The following ERBB2 variants were observed in gnomAD, a reference collection of about 807,000 sequenced individuals.
ERBB2 encodes erb-b2 receptor tyrosine kinase 2, also known as receptor tyrosine-protein kinase erbB-2.
A neutral mutation model predicts 149.0 loss-of-function variants in ERBB2; 61 were observed. That is an observed-to-expected ratio of 0.41 (90% CI 0.33 to 0.51). ERBB2 has a LOEUF of 0.51. Among genes scored for constraint, ERBB2 ranks in the 20% least tolerant of loss-of-function variants. ERBB2 has a pLI of 0.25. For synonymous variants in ERBB2, 633 were observed against 678.8 expected (o/e 0.93, Z 1.05); for missense variants, 1,205 against 1,655.1 (o/e 0.73, Z 4.72).
At chr17:39,698,794 G>C (rs544356297), upstream of ERBB2, among the ~76,000 whole-genome samples, 1 of 152,242 alleles carries the variant, frequency 6.6e-6, no homozygotes, top group East Asian at 1.9e-4. Context: ...AGGTGCCTTT[G>C]ATCCCTTCTT....
intron 4 of ERBB2, 116 bp downstream of exon 4, chr17:39,709,568 T>C: frequency 8.1e-7 from 1 of 1,238,302 alleles, no homozygotes; most frequent in Non-Finnish European, 1.1e-6. Context: ...ACACCACCCA[T>C]TTCCTCCCTC....
chr17:39,691,920 TAC>T (rs1267235315), upstream of ERBB2, among the ~76,000 whole-genome samples: 5 of 104,602 alleles, frequency 4.8e-5, no homozygotes, highest in South Asian at 3.8e-4. Flanking sequence ...CATATACATA[TAC>T]ATATACATAT....
chr17:39,718,668 C>G (rs1430984274), intron 15 of ERBB2, among the ~76,000 whole-genome samples: 6 of 151,808 alleles, frequency 4.0e-5, no homozygotes, highest in African/African-American at 1.2e-4. Flanking sequence ...TGTGGTGATG[C>G]TGTTCTGCAC....
chr17:39,701,553 G>C (rs2058107887), intron 1 of ERBB2, among the ~76,000 whole-genome samples: 1 of 152,190 alleles, frequency 6.6e-6, no homozygotes, highest in African/African-American at 2.4e-5. Flanking sequence ...TGGGGAGGGA[G>C]TGGGTGTCAT....
intron 8 of ERBB2, 108 bp from the exon 9 acceptor site, chr17:39,712,214 C>T (rs760208805): frequency 2.0e-6 from 3 of 1,533,502 alleles, no homozygotes; most frequent in Admixed American, 3.5e-5. Flanking sequence ...TCCCTATATC[C>T]CCTGTCAGTG....
rs939502258 is a variant in ERBB2 at position 39,712,737 on chromosome 17, G to A, written c.1148+289G>A. Among the ~76,000 whole-genome samples, 3 of 152,172 alleles carry A rather than the reference G, an allele frequency of 2.0e-5. No individual in the cohort carries two copies. The East Asian group carries it at 5.8e-4, about 29-fold the overall frequency. ...CTTTATTCAAAATATCCCCAAATTG[G>A]AAATAACTCAAATGTGCATCACTAG... On this transcript the variant is annotated intron_variant, in intron 9 of 26. Transcript: ENST00000269571.
At chr17:39,714,912 G>A (rs970544363) in intron 9 of ERBB2, among the ~76,000 whole-genome samples, 10 of 151,750 alleles carry the variant, frequency 6.6e-5, no homozygotes, top group Admixed American at 5.9e-4. Flanking sequence ...TGGGACTATA[G>A]GCGCGCGGCA....
upstream of ERBB2, among the ~76,000 whole-genome samples, chr17:39,692,159 T>G (rs1438794902): frequency 6.6e-6 from 1 of 151,558 alleles, no homozygotes; most frequent in African/African-American, 2.4e-5. Flanking sequence ...TGGCCAAATA[T>G]TTTTGATAAG....
In ERBB2 at chr17:39,723,834, G is replaced by A; in HGVS notation, c.2209-78G>A. ...CTAGGGTGGTGAAGGATGTTTGGAG[G>A]ACAAGTAATGATCTCCTGGAAGGCA... On this transcript the variant is annotated intron_variant, in intron 18 of 26. Transcript: ENST00000269571. The surrounding 1 kb of genome is among the most constrained non-coding windows in gnomAD (Gnocchi z 6.2). 1 of 1,493,700 alleles carries A rather than the reference G, an allele frequency of 6.7e-7. No individual in the cohort carries two copies. 92.5% of individuals were successfully genotyped at this position (1,493,700 alleles called of 1,614,324 possible).
chr17:39,702,830 G>C (rs34284966), intron 1 of ERBB2, among the ~76,000 whole-genome samples: 11,470 of 152,254 alleles, frequency 0.075, 1,001 homozygotes, highest in African/African-American at 0.21. Flanking sequence ...TGGAAGTTCA[G>C]AGAAATGAAG....
In ERBB2 at chr17:39,726,559, C is replaced by A. The variant is rs765263156; in HGVS notation, c.2873-3C>A. 1 of 1,613,702 alleles carries A rather than the reference C, an allele frequency of 6.2e-7. No individual in the cohort carries two copies. The highest frequency in any genetic ancestry group is 8.5e-7 in the Non-Finnish European group (1 of 1,179,744). ...TAGCATGCTGACCTCCCTCCTGCCC[C>A]AGGTTGGATGATTGACTCTGAATGT... is the stretch of plus-strand genomic sequence containing the variant. On this transcript the variant is annotated splice_polypyrimidine_tract_variant and splice_region_variant and intron_variant, in intron 23 of 26. Transcript: ENST00000269571. This position sits in a 1 kb window ranked among gnomAD's most constrained non-coding sequence, Gnocchi z 5.1.
chr17:39,721,807 G>A (rs1422874959), intron 16 of ERBB2, among the ~76,000 whole-genome samples: 1 of 152,058 alleles, frequency 6.6e-6, no homozygotes, highest in Admixed American at 6.6e-5. Flanking sequence ...TATTACTTAG[G>A]ATTTTTTGAC....
At position 39,725,775 on chromosome 17, in the gene ERBB2, C is replaced by A; in HGVS notation, c.2794C>A (p.Pro932Thr). ...CGATGGGATCCCAGCCCGGGAGATC[C>A]CTGACCTGCTGGAAAAGGGGGAGCG... ...PYDGIPAREI[P>T]DLLEKGERLP... Residue 932 changes from proline (P) to threonine (T), a missense_variant, in exon 23 of 27, where the codon CCT (proline) becomes ACT (threonine). Transcript: ENST00000269571. The surrounding 1 kb of genome is among the most constrained non-coding windows in gnomAD (Gnocchi z 4.6). The A allele has an allele frequency of 6.2e-7, 1 of 1,613,726 alleles. No homozygotes were observed. The highest frequency in any genetic ancestry group is 8.5e-7 in the Non-Finnish European group (1 of 1,179,884).
Position 39,728,385 on chromosome 17 carries a change from AGC to A in ERBB2, c.*343_*344del, listed in dbSNP as rs1198207759. On this transcript the variant is annotated 3_prime_UTR_variant, in exon 27 of 27. Coordinates refer to ENST00000269571, the MANE Select transcript of ERBB2 (RefSeq NM_004448.4). ...TTAGGGAAGCTGGCCTGAGAGGGGA[AGC>A]GGCCCTAAGGGAGTGTCTAAGAACA... 1 of 296,052 alleles carries A rather than the reference AGC, an allele frequency of 3.4e-6. No individual in the cohort carries two copies. Among genetic ancestry groups the A allele is most frequent in the African/African-American group, 2.1e-5 (1 of 47,636 alleles). The allele number at this position is 296,052 out of a possible 1,614,324, so 18.3% of individuals were successfully genotyped here.
intron 5 of ERBB2, 56 bp from the exon 6 acceptor site, chr17:39,710,030 T>C: frequency 6.5e-7 from 1 of 1,535,548 alleles, no homozygotes; most frequent in Non-Finnish European, 8.9e-7. Context: ...GTGATGCTGA[T>C]GAGGGTCTGG....
At chr17:39,693,168 G>A (rs770029977), upstream of ERBB2, 2 of 152,134 alleles carry the variant, frequency 1.3e-5, no homozygotes, top group African/African-American at 2.4e-5. Flanking sequence ...TGAATTGCAC[G>A]GGTCCATTTA....
At chr17:39,724,037 G>C in intron 19 of ERBB2, 27 bp downstream of exon 19, 2 of 1,555,660 alleles carry the variant, frequency 1.3e-6, no homozygotes, top group Non-Finnish European at 1.8e-6. Context: ...TCTCCTGCTA[G>C]GAGGACAGGA....
chr17:39,712,502 G>T, intron 9 of ERBB2, 54 bp downstream of exon 9: 3 of 1,594,406 alleles, frequency 1.9e-6, no homozygotes, highest in South Asian at 2.3e-5. Flanking sequence ...GAGTCCTGAG[G>T]ATCCAGATGT....
At chr17:39,708,832 C>T (rs566315946) in intron 3 of ERBB2, among the ~76,000 whole-genome samples, 15 of 152,266 alleles carry the variant, frequency 9.9e-5, no homozygotes, top group Admixed American at 2.6e-4. Context: ...GCCCTGGAGC[C>T]GACTCTGCCC....
Sources: gnomAD v4.1 joint callset for allele counts (sites outside exome capture counted in the v4.1 genomes callset) on GRCh38, gnomAD v4.1.1 for gene constraint, Gnocchi (gnomAD v3.1) non-coding constraint, MANE v1.5 for transcripts, NCBI Gene and HGNC (gene_info 2026-07-23, HGNC 2026-07-21) for gene names.